Variants in ARL15 observed in about 807,000 individuals in gnomAD.
ARL15 encodes the protein ARF like GTPase 15.
Under a neutral mutation model 25.2 loss-of-function variants are expected in ARL15, and 19 were observed. The ratio of observed to expected loss-of-function variants is 0.75; its 90% CI spans 0.53 to 1.10. ARL15 has a LOEUF of 1.10. ARL15 is among the 50% of genes least tolerant of loss of function. The probability of loss-of-function intolerance (pLI) is 0.00; values close to 1 mark genes in which losing one functional copy is unlikely to be tolerated. For missense variants in ARL15, 220 were observed against 246.0 expected, an observed-to-expected ratio of 0.89 and a Z score of 0.71; for synonymous variants, 94 against 86.8, an observed-to-expected ratio of 1.08 and a Z score of -0.46.
chr5:53,928,207 G>A (rs1561153307), intron 4 of ARL15, among the ~76,000 whole-genome samples: 1 of 152,172 alleles, frequency 6.6e-6, no homozygotes, highest in Admixed American at 6.5e-5. Context: ...GCCAGAAAAG[G>A]TTCCTGGAGA....
intron 4 of ARL15, among the ~76,000 whole-genome samples, chr5:53,980,393 C>A (rs1489206585): frequency 6.6e-6 from 1 of 152,190 alleles, no homozygotes; most frequent in Non-Finnish European, 1.5e-5. Flanking sequence ...TCACACACAG[C>A]CAACAAGTGG....
intron 1 of ARL15, among the ~76,000 whole-genome samples, chr5:54,234,636 G>C (rs1756756625): frequency 6.6e-6 from 1 of 152,164 alleles, no homozygotes; most frequent in Non-Finnish European, 1.5e-5. Context: ...CCATGTTTAA[G>C]AATTTAAGGG....
rs541973526 is a variant in ARL15, at chr5:53,990,592, G to A, written c.463-103879C>T. Among the ~76,000 whole-genome samples the A allele has an allele frequency of 7.2e-5, 11 of 152,302 alleles. No individual in the cohort carries two copies. In the South Asian group the frequency reaches 2.3e-3, roughly 32 times the overall value. On this transcript the variant is annotated intron_variant, in intron 4 of 4. Coordinates refer to ENST00000504924, the MANE Select transcript of ARL15 (RefSeq NM_019087.3). ...TTCAAAGAGAATCTTGACTTGAGCTGAGTGTGATCTCCAGATGCAATACAA... is the reference window on the plus strand; with the variant it reads ...TTCAAAGAGAATCTTGACTTGAGCTAAGTGTGATCTCCAGATGCAATACAA...
intron 1 of ARL15, among the ~76,000 whole-genome samples, chr5:54,187,982 TTTTC>T (rs780974178): frequency 3.3e-5 from 5 of 152,202 alleles, no homozygotes; most frequent in Admixed American, 6.5e-5. Context: ...CTAGCCATTC[TTTTC>T]TTTCTTTCTT....
chr5:54,240,156 G>T lies in ARL15; in HGVS notation c.49-68228C>A, dbSNP rs1419806962. Among the ~76,000 whole-genome samples, 7 of 151,522 alleles carry T rather than the reference G, an allele frequency of 4.6e-5. No individual in the cohort carries two copies. The Middle Eastern group carries it at 0.017, about 368-fold the overall frequency. ...GCAGGAGAATGGCATGAACCCGGGA[G>T]GCGGAGCTTGCAGTGAGCCGAGATC... On this transcript the variant is annotated intron_variant, in intron 1 of 4. Coordinates refer to ENST00000504924, the MANE Select transcript of ARL15 (RefSeq NM_019087.3).
At chr5:54,092,070 A>ACACACACACACACACACACACACACACAC (rs746618758) in intron 4 of ARL15, among the ~76,000 whole-genome samples, 2 of 151,460 alleles carry the variant, frequency 1.3e-5, no homozygotes, top group Non-Finnish European at 2.9e-5. Flanking sequence ...ACACACACAC[A>ACACACACACACACACACACACACACACAC]CACCACCACC....
At chr5:54,034,359 A>G (rs1750102935) in intron 4 of ARL15, among the ~76,000 whole-genome samples, 1 of 152,208 alleles carries the variant, frequency 6.6e-6, no homozygotes, top group Admixed American at 6.5e-5. Flanking sequence ...TACCCATACT[A>G]TGGACCCTAA....
intron 4 of ARL15, among the ~76,000 whole-genome samples, chr5:54,056,170 A>G (rs1750864731): frequency 6.6e-6 from 1 of 152,166 alleles, no homozygotes; most frequent in Admixed American, 6.5e-5. Flanking sequence ...AAGTTGCTTA[A>G]TCAGTCTAAG....
intron 4 of ARL15, among the ~76,000 whole-genome samples, chr5:54,049,075 T>A (rs914470330): frequency 4.6e-5 from 7 of 152,120 alleles, no homozygotes; most frequent in African/African-American, 1.2e-4. Context: ...GAATCTTTCT[T>A]ACTTTAGAAT....
chr5:54,295,965 A>T (rs2112700240), intron 1 of ARL15, among the ~76,000 whole-genome samples: 1 of 152,354 alleles, frequency 6.6e-6, no homozygotes, highest in East Asian at 1.9e-4. Flanking sequence ...CAATCACAGA[A>T]TTCCAGAGTA....
intron 3 of ARL15, among the ~76,000 whole-genome samples, chr5:54,124,814 A>G (rs761148583): frequency 1.3e-5 from 2 of 152,130 alleles, no homozygotes; most frequent in African/African-American, 4.8e-5. Flanking sequence ...GCTAATTACT[A>G]AAACCCCACA....
chr5:54,284,790 A>C (rs1182821196), intron 1 of ARL15, among the ~76,000 whole-genome samples: 4 of 152,196 alleles, frequency 2.6e-5, no homozygotes, highest in Non-Finnish European at 1.5e-5. Flanking sequence ...ATCCGACCTC[A>C]GGCCAGGTGG....
intron 1 of ARL15, among the ~76,000 whole-genome samples, chr5:54,234,237 C>G (rs550411406): frequency 6.6e-6 from 1 of 152,040 alleles, no homozygotes; most frequent in Non-Finnish European, 1.5e-5. Context: ...GTGATCCGCC[C>G]GTTTCAGCCT....
intron 4 of ARL15, among the ~76,000 whole-genome samples, chr5:54,091,040 A>G (rs546578436): frequency 6.6e-6 from 1 of 152,334 alleles, no homozygotes; most frequent in South Asian, 2.1e-4. Context: ...TTTAAGTACT[A>G]GGTTGAAAAC....
chr5:54,121,063 G>A (rs528181631), intron 3 of ARL15, among the ~76,000 whole-genome samples: 4 of 152,192 alleles, frequency 2.6e-5, no homozygotes, highest in African/African-American at 9.6e-5. Flanking sequence ...ATCCTATATA[G>A]CATAAAGTAT....
chr5:53,916,305 A>AAG lies in ARL15; in HGVS notation c.463-29594_463-29593dup, dbSNP rs1554026153. Among the ~76,000 whole-genome samples, 351 of 151,144 alleles carry AAG rather than the reference A, an allele frequency of 2.3e-3. 2 individuals are homozygous for AAG. Among genetic ancestry groups the AAG allele is most frequent in the African/African-American group, 8.2e-3 (337 of 41,182 alleles). ...CAAAATGTAATATTAAAAAAAAAAA[A>AAG]AGAGAAATAGAAAATTAGGTTCCAC... On this transcript the variant is annotated intron_variant, in intron 4 of 4. Coordinates refer to ENST00000504924, the MANE Select transcript of ARL15 (RefSeq NM_019087.3).
chr5:54,310,436 T>C lies in ARL15; in HGVS notation c.44A>G (p.Tyr15Cys), dbSNP rs1355394701. 6.2e-7 allele frequency: 1 copy of C among 1,610,078 alleles called. No homozygotes were observed. Among genetic ancestry groups the C allele is most frequent in the South Asian group, 1.1e-5 (1 of 89,990 alleles). The change falls in exon 1 of 5, where the codon TAT becomes TGT. Residue 15 changes from tyrosine to cysteine, a missense_variant. Tyr to Cys is a radical substitution (Grantham distance 194). Transcript: ENST00000504924. ...CCACCCCTGCCCTGCACCTACCAGA[T>C]AATCCATGTACAGAAACGCCTCAGT... ...RITEAFLYMD[Y>C]LCFRALCCKG...
At chr5:53,928,560 T>C (rs1482094160) in intron 4 of ARL15, among the ~76,000 whole-genome samples, 1 of 152,168 alleles carries the variant, frequency 6.6e-6, no homozygotes. Flanking sequence ...TACAAACAAA[T>C]AGAGCCAGGT....
At chr5:53,954,690 T>C (rs1285267174) in intron 4 of ARL15, among the ~76,000 whole-genome samples, 1 of 152,216 alleles carries the variant, frequency 6.6e-6, no homozygotes, top group East Asian at 1.9e-4. Context: ...TTTACATAAA[T>C]AGACTCATTT....
Sources: allele counts gnomAD v4.1 joint callset (sites outside exome capture counted in the v4.1 genomes callset), GRCh38; gene constraint gnomAD v4.1.1; transcripts MANE v1.5; gene names NCBI Gene and HGNC (gene_info 2026-07-23, HGNC 2026-07-21).